Variants in CFAP299 observed in about 807,000 individuals in gnomAD.
CFAP299 encodes cilia and flagella associated protein 299.
Under a neutral mutation model 27.0 loss-of-function variants are expected in CFAP299, and 21 were observed. The ratio of observed to expected loss-of-function variants is 0.78; its 90% CI spans 0.55 to 1.12. The LOEUF is 1.12. CFAP299 is among the 50% of genes most tolerant of loss of function. The pLI, the probability that CFAP299 is intolerant of heterozygous loss-of-function variation, is 0.00. For synonymous variants in CFAP299, 104 were observed against 98.1 expected, an observed-to-expected ratio of 1.06 and a Z score of -0.36; for missense variants, 310 against 276.6, an observed-to-expected ratio of 1.12 and a Z score of -0.86.
At chr4:80,622,414 G>A (rs1486025) in intron 3 of CFAP299, among the ~76,000 whole-genome samples, 17,240 of 152,136 alleles carry the variant, frequency 0.11, 1,118 homozygotes, top group Middle Eastern at 0.21. Flanking sequence ...AGCTGAGTTA[G>A]ATCCACAGAA....
At chr4:80,390,752 C>CATAT (rs1271901763) in intron 2 of CFAP299, among the ~76,000 whole-genome samples, 56 of 118,160 alleles carry the variant, frequency 4.7e-4, no homozygotes, top group African/African-American at 1.3e-3. Context: ...TGTATATATA[C>CATAT]ACACATATGT....
At chr4:80,937,713 T>C (rs1736985367) in intron 4 of CFAP299, among the ~76,000 whole-genome samples, 1 of 152,214 alleles carries the variant, frequency 6.6e-6, no homozygotes, top group African/African-American at 2.4e-5. Flanking sequence ...CTGGAAATTT[T>C]AATTCATTTA....
intron 2 of CFAP299, among the ~76,000 whole-genome samples, chr4:80,376,738 T>C (rs113699360): frequency 0.039 from 5,948 of 152,274 alleles, 195 homozygotes; most frequent in Non-Finnish European, 0.061. Context: ...CACTGCAACC[T>C]CTGCTTCCCA....
intron 2 of CFAP299, among the ~76,000 whole-genome samples, chr4:80,382,983 C>T (rs563259421): frequency 7.9e-5 from 12 of 152,220 alleles, no homozygotes; most frequent in African/African-American, 2.2e-4. Context: ...ATATACATCA[C>T]AGAATACTAT....
At chr4:80,926,698 T>C (rs547189086) in intron 4 of CFAP299, among the ~76,000 whole-genome samples, 1 of 152,028 alleles carries the variant, frequency 6.6e-6, no homozygotes, top group Non-Finnish European at 1.5e-5. Flanking sequence ...ATTGCTTCTT[T>C]CTGTTTCACT....
At chr4:80,457,225 T>C (rs1053351450) in intron 2 of CFAP299, among the ~76,000 whole-genome samples, 1 of 152,162 alleles carries the variant, frequency 6.6e-6, no homozygotes, top group Non-Finnish European at 1.5e-5. Context: ...GGCAGCGTTT[T>C]CCACAACAAA....
chr4:80,944,504 G>A (rs958523501), intron 4 of CFAP299, among the ~76,000 whole-genome samples: 3 of 152,148 alleles, frequency 2.0e-5, no homozygotes, highest in African/African-American at 7.2e-5. Context: ...AGAACAAATA[G>A]CCTTAAATTG....
chr4:80,467,321 T>C (rs895399502), intron 2 of CFAP299, among the ~76,000 whole-genome samples: 1 of 152,240 alleles, frequency 6.6e-6, no homozygotes, highest in Non-Finnish European at 1.5e-5. Flanking sequence ...CAGCCAAAGC[T>C]GTTCTAAGTC....
intron 3 of CFAP299, among the ~76,000 whole-genome samples, chr4:80,819,322 T>C (rs1729581706): frequency 6.6e-6 from 1 of 151,956 alleles, no homozygotes; most frequent in Non-Finnish European, 1.5e-5. Context: ...CCAAGCATAG[T>C]TTGGTGAATG....
At chr4:80,668,509 C>T (rs1191031953) in intron 3 of CFAP299, among the ~76,000 whole-genome samples, 2 of 152,004 alleles carry the variant, frequency 1.3e-5, no homozygotes, top group Non-Finnish European at 2.9e-5. Flanking sequence ...TAGTTTTATT[C>T]TTCTGTGTTG....
intron 3 of CFAP299, among the ~76,000 whole-genome samples, chr4:80,752,431 T>TAA (rs1023918193): frequency 6.9e-6 from 1 of 145,548 alleles, no homozygotes; most frequent in African/African-American, 2.6e-5. Flanking sequence ...TATATATAAA[T>TAA]AAATATATAT....
chr4:80,660,893 C>G (rs1740808186), intron 3 of CFAP299, among the ~76,000 whole-genome samples: 2 of 152,112 alleles, frequency 1.3e-5, no homozygotes, highest in Admixed American at 1.3e-4. Flanking sequence ...AAAAAAATGT[C>G]TGGATCAATC....
At chr4:80,379,320 A>G (rs1724579428) in intron 2 of CFAP299, among the ~76,000 whole-genome samples, 1 of 151,984 alleles carries the variant, frequency 6.6e-6, no homozygotes, top group African/African-American at 2.4e-5. Flanking sequence ...TTAATCTATC[A>G]GTTTTAATGA....
chr4:80,847,291 A>G (rs1488202185), intron 3 of CFAP299, among the ~76,000 whole-genome samples: 1 of 152,150 alleles, frequency 6.6e-6, no homozygotes, highest in Non-Finnish European at 1.5e-5. Context: ...AAACTCTAGC[A>G]AGAAGGTACT....
intron 2 of CFAP299, among the ~76,000 whole-genome samples, chr4:80,376,778 C>T (rs1011992895): frequency 6.6e-6 from 1 of 152,174 alleles, no homozygotes; most frequent in Non-Finnish European, 1.5e-5. Flanking sequence ...CCTCAGCCTC[C>T]TGAGTAGCTG....
At chr4:80,918,414 A>G (rs902331863) in intron 4 of CFAP299, among the ~76,000 whole-genome samples, 1 of 152,180 alleles carries the variant, frequency 6.6e-6, no homozygotes, top group Non-Finnish European at 1.5e-5. Flanking sequence ...ATCCCAACCT[A>G]CAAATGACAT....
intron 4 of CFAP299, among the ~76,000 whole-genome samples, chr4:80,882,632 C>A (rs1462504214): frequency 7.2e-6 from 1 of 138,938 alleles, no homozygotes; most frequent in African/African-American, 3.0e-5. Flanking sequence ...AGCGAGACTC[C>A]GTCTCAAAAA....
chr4:80,337,939 G>A (rs187479880), intron 1 of CFAP299, among the ~76,000 whole-genome samples: 1 of 152,096 alleles, frequency 6.6e-6, no homozygotes. Flanking sequence ...TATTTCTAGA[G>A]ATCTACATTC....
At position 80,453,347 on chromosome 4, in the gene CFAP299, T is replaced by G. The variant is rs115310151; in HGVS notation, c.242+90463T>G. Among the ~76,000 whole-genome samples the G allele has an allele frequency of 6.0e-3, 909 of 152,276 alleles. 20 individuals are homozygous for G. Among genetic ancestry groups the G allele is most frequent in the African/African-American group, 0.021 (874 of 41,572 alleles). On this transcript the variant is annotated intron_variant, in intron 2 of 5. Transcript: ENST00000358105. Reference sequence around the variant, plus strand: ...TCAGGTAGAGATATTTAAAATCCCTTTACGAATATTCAAACTAAGACATGA... The same window carrying G: ...TCAGGTAGAGATATTTAAAATCCCTGTACGAATATTCAAACTAAGACATGA...
Sources: allele counts gnomAD v4.1 joint callset (sites outside exome capture counted in the v4.1 genomes callset), GRCh38; gene constraint gnomAD v4.1.1; transcripts MANE v1.5; gene names NCBI Gene and HGNC (gene_info 2026-07-23, HGNC 2026-07-21).